The following DENND5A variants were observed in gnomAD, a reference collection of about 807,000 sequenced individuals.
DENND5A encodes DENN domain-containing protein 5A.
Under a neutral mutation model 140.3 loss-of-function variants are expected in DENND5A, and 64 were observed. That is an observed-to-expected ratio of 0.46 (90% CI 0.37 to 0.56). The LOEUF is 0.56. Ranked by LOEUF, DENND5A falls within the 20% of genes least tolerant of loss-of-function variation. The pLI is 0.00. For synonymous variants in DENND5A, 605 were observed against 607.7 expected, an observed-to-expected ratio of 1.00 and a Z score of 0.07; for missense variants, 1,292 against 1,593.8, an observed-to-expected ratio of 0.81 and a Z score of 3.22.
rs576921541 is a variant in DENND5A at position 9,259,287 on chromosome 11, G to A, written c.109+5674C>T. Among the ~76,000 whole-genome samples the A allele has an allele frequency of 3.8e-3, 576 of 151,220 alleles. 2 individuals carry two copies. Among genetic ancestry groups the A allele is most frequent in the Non-Finnish European group, 6.5e-3 (439 of 67,816 alleles). ...AAAAAATAAACAACAGGCCAGGCGT[G>A]GTGACTCAAGCCTGTAATCTCAGCA... On this transcript the variant is annotated intron_variant, in intron 1 of 22. Coordinates refer to ENST00000328194, the MANE Select transcript of DENND5A (RefSeq NM_015213.4).
At chr11:9,257,507 A>C (rs1320092231) in intron 1 of DENND5A, among the ~76,000 whole-genome samples, 1 of 123,462 alleles carries the variant, frequency 8.1e-6, no homozygotes, top group African/African-American at 3.1e-5. Flanking sequence ...TTTGAGAAGG[A>C]GTCTCACACT....
rs540203063 is a variant in DENND5A, at chr11:9,202,634, C to T, written c.949+1026G>A. Among the ~76,000 whole-genome samples the T allele has an allele frequency of 3.3e-5, 5 of 152,306 alleles. No individual in the cohort carries two copies. The South Asian group carries it at 1.0e-3, about 32-fold the overall frequency. On this transcript the variant is annotated intron_variant, in intron 4 of 22. Transcript: ENST00000328194. ...CCATTTAAGAGTAAAAGCCAAAGTC[C>T]TTACAATGGCCTACAAGATTCTATA...
At chr11:9,146,138 G>T (rs921523569) in intron 16 of DENND5A, among the ~76,000 whole-genome samples, 2 of 152,200 alleles carry the variant, frequency 1.3e-5, no homozygotes, top group Non-Finnish European at 2.9e-5. Flanking sequence ...GTACTGAACT[G>T]CTTTTTAGAG....
intron 2 of DENND5A, 62 bp downstream of exon 2, chr11:9,207,499 G>T: frequency 1.6e-6 from 2 of 1,260,612 alleles, no homozygotes; most frequent in Non-Finnish European, 2.3e-6. Flanking sequence ...AATGCCACTG[G>T]AGAGATATAT....
intron 12 of DENND5A, among the ~76,000 whole-genome samples, chr11:9,157,767 T>C (rs1279332489): frequency 6.6e-6 from 1 of 152,226 alleles, no homozygotes; most frequent in Non-Finnish European, 1.5e-5. Context: ...AACTTTGCCA[T>C]TGTGAATAGT....
At chr11:9,169,994 T>A in intron 9 of DENND5A, 45 bp from the exon 10 acceptor site, 1 of 1,345,062 alleles carries the variant, frequency 7.4e-7, no homozygotes, top group Non-Finnish European at 1.1e-6. Context: ...ATGTCTCACT[T>A]AAAAAGCAAT....
chr11:9,150,001 C>T, intron 15 of DENND5A, 80 bp downstream of exon 15: 1 of 1,527,254 alleles, frequency 6.5e-7, no homozygotes, highest in Non-Finnish European at 8.8e-7. Context: ...ACACTGAATA[C>T]TCCCCCTTCC....
chr11:9,256,190 G>A (rs939564797), intron 1 of DENND5A, among the ~76,000 whole-genome samples: 5 of 152,046 alleles, frequency 3.3e-5, no homozygotes, highest in Admixed American at 6.6e-5. Context: ...GGCCGGGCAC[G>A]GTGGCTTGTG....
At chr11:9,246,840 CT>C (rs1851494560) in intron 1 of DENND5A, among the ~76,000 whole-genome samples, 1 of 152,152 alleles carries the variant, frequency 6.6e-6, no homozygotes, top group Non-Finnish European at 1.5e-5. Context: ...CAAGACAGCG[CT>C]TCCTTTTAGG....
chr11:9,158,812 T>C (rs1847889526), intron 12 of DENND5A, among the ~76,000 whole-genome samples: 1 of 152,174 alleles, frequency 6.6e-6, no homozygotes, highest in Non-Finnish European at 1.5e-5. Flanking sequence ...TATTAACTCA[T>C]TTGGATTTTT....
chr11:9,166,873 A>T (rs1053701991), intron 10 of DENND5A, among the ~76,000 whole-genome samples: 1 of 152,008 alleles, frequency 6.6e-6, no homozygotes, highest in East Asian at 1.9e-4. Context: ...AATTAAATTA[A>T]AAAAAGATAC....
intron 1 of DENND5A, among the ~76,000 whole-genome samples, chr11:9,236,835 T>C (rs1242199138): frequency 6.6e-6 from 1 of 152,148 alleles, no homozygotes; most frequent in Non-Finnish European, 1.5e-5. Flanking sequence ...ATGATCCCAA[T>C]TTTATAAATA....
At chr11:9,187,147 CACTCATACAATAGTCAATTACTAG>C (rs986870121) in intron 5 of DENND5A, among the ~76,000 whole-genome samples, 3 of 151,914 alleles carry the variant, frequency 2.0e-5, no homozygotes, top group Non-Finnish European at 4.4e-5. Flanking sequence ...CAAATTACTA[CACTCATACAATAGTCAATTACTAG>C]ACTCATACAA....
chr11:9,248,856 T>G (rs1239996071), intron 1 of DENND5A, among the ~76,000 whole-genome samples: 1 of 152,106 alleles, frequency 6.6e-6, no homozygotes, highest in Non-Finnish European at 1.5e-5. Context: ...TCTTCATAAC[T>G]AGGCTAAAAC....
intron 12 of DENND5A, among the ~76,000 whole-genome samples, chr11:9,154,819 A>G (rs56077948): frequency 0.13 from 19,683 of 151,808 alleles, 1,399 homozygotes; most frequent in South Asian, 0.17. Flanking sequence ...TGGGAGCCAA[A>G]AAGAAAAAAA....
intron 1 of DENND5A, among the ~76,000 whole-genome samples, chr11:9,213,252 C>G (rs1389921916): frequency 6.6e-6 from 1 of 151,828 alleles, no homozygotes; most frequent in African/African-American, 2.4e-5. Flanking sequence ...GCAATCCACC[C>G]GCCTCAGCCT....
At chr11:9,219,132 A>T (rs556168827) in intron 1 of DENND5A, among the ~76,000 whole-genome samples, 1 of 152,190 alleles carries the variant, frequency 6.6e-6, no homozygotes, top group Non-Finnish European at 1.5e-5. Context: ...AAGAGAAAAA[A>T]TAAAGGGGAG....
In DENND5A at chr11:9,145,287, G is replaced by GA; in HGVS notation, c.3004-175_3004-174insT. 8 of 609,908 alleles carry GA rather than the reference G, an allele frequency of 1.3e-5. No homozygotes were observed. The South Asian group carries it at 1.6e-4, about 12-fold the overall frequency. 37.8% of individuals were successfully genotyped at this position (609,908 alleles called of 1,614,324 possible). A position where few individuals can be genotyped will look rare whatever the true frequency, so the allele number is the denominator to read the frequency against. On this transcript the variant is annotated intron_variant, in intron 17 of 22. Coordinates refer to ENST00000328194, the MANE Select transcript of DENND5A (RefSeq NM_015213.4). ...TGCGGTACAGCACTATCTCATGGGG[G>GA]TGCCCAAGGCTGAGAAAGAAAACAC...
At chr11:9,172,398 C>A (rs1051153115) in intron 8 of DENND5A, among the ~76,000 whole-genome samples, 5 of 152,164 alleles carry the variant, frequency 3.3e-5, no homozygotes, top group African/African-American at 1.2e-4. Flanking sequence ...AGGATGACAG[C>A]AGATTTCTTA....
Sources: gnomAD v4.1 joint callset for allele counts (sites outside exome capture counted in the v4.1 genomes callset) on GRCh38, gnomAD v4.1.1 for gene constraint, MANE v1.5 for transcripts, NCBI Gene and HGNC (gene_info 2026-07-23, HGNC 2026-07-21) for gene names.